Variants in DOCK4 observed in about 807,000 individuals in gnomAD.
The protein encoded by DOCK4 is dedicator of cytokinesis protein 4.
A neutral mutation model predicts 268.1 loss-of-function variants in DOCK4; 97 were observed. That is an observed-to-expected ratio of 0.36 (90% CI 0.31 to 0.43). The LOEUF is 0.43. Among genes scored for constraint, DOCK4 ranks in the 20% least tolerant of loss-of-function variants. DOCK4 has a pLI of 1.00. For synonymous variants in DOCK4, 954 were observed against 887.2 expected (o/e 1.08, Z -1.34); for missense variants, 2,145 against 2,455.7 (o/e 0.87, Z 2.67).
intron 1 of DOCK4, among the ~76,000 whole-genome samples, chr7:112,079,290 C>A (rs767305926): frequency 3.3e-5 from 5 of 152,150 alleles, no homozygotes; most frequent in African/African-American, 4.8e-5. Flanking sequence ...TGCTTACCTG[C>A]ATTTAGTACA....
intron 1 of DOCK4, among the ~76,000 whole-genome samples, chr7:112,069,862 A>G (rs1807428915): frequency 6.6e-6 from 1 of 152,230 alleles, no homozygotes; most frequent in South Asian, 2.1e-4. Flanking sequence ...AAATTGTCAA[A>G]CAGGCAAGGA....
intron 1 of DOCK4, among the ~76,000 whole-genome samples, chr7:112,103,416 T>C (rs1410222884): frequency 6.6e-6 from 1 of 152,146 alleles, no homozygotes; most frequent in Non-Finnish European, 1.5e-5. Context: ...CAACCCCATG[T>C]TCCTGAGAGC....
At chr7:111,842,020 G>T (rs1324450524) in intron 25 of DOCK4, among the ~76,000 whole-genome samples, 1 of 152,210 alleles carries the variant, frequency 6.6e-6, no homozygotes. Flanking sequence ...TTCAAACTAT[G>T]TAAGTTATAT....
intron 27 of DOCK4, among the ~76,000 whole-genome samples, chr7:111,816,381 G>A (rs544905245): frequency 9.7e-4 from 147 of 152,282 alleles, no homozygotes; most frequent in African/African-American, 3.2e-3. Flanking sequence ...AAAAATCAAC[G>A]CAAAGACATT....
intron 9 of DOCK4, 132 bp downstream of exon 9, chr7:111,945,585 G>C: frequency 1.4e-6 from 1 of 721,750 alleles, no homozygotes; most frequent in South Asian, 1.9e-5. Flanking sequence ...GGGCACTAAT[G>C]TAATTTGTGT....
rs754813846 is a variant in DOCK4 at position 111,784,050 on chromosome 7, C to G, written c.3428+47G>C. The G allele has an allele frequency of 6.5e-5, 102 of 1,577,440 alleles. 2 individuals carry two copies. The Middle Eastern group carries it at 4.3e-3, about 67-fold the overall frequency. On this transcript the variant is annotated intron_variant, in intron 33 of 52. Transcript: ENST00000428084. ...ATCAGTACCTTAAATGCCTTAGCAACCACTGCAACATCTCACAAGTAGCAC... is the reference window on the plus strand; with the variant it reads ...ATCAGTACCTTAAATGCCTTAGCAAGCACTGCAACATCTCACAAGTAGCAC...
At chr7:112,075,015 C>T (rs889363423) in intron 1 of DOCK4, among the ~76,000 whole-genome samples, 1 of 152,204 alleles carries the variant, frequency 6.6e-6, no homozygotes, top group African/African-American at 2.4e-5. Flanking sequence ...CACCTTTCTA[C>T]CTAGCTAACA....
At chr7:112,035,361 A>T (rs1284303256) in intron 1 of DOCK4, among the ~76,000 whole-genome samples, 1 of 151,738 alleles carries the variant, frequency 6.6e-6, no homozygotes, top group Non-Finnish European at 1.5e-5. Context: ...GTAAACTAAG[A>T]CTGTAAGAAA....
chr7:111,812,846 G>C (rs1185171893), intron 27 of DOCK4, among the ~76,000 whole-genome samples: 5 of 152,160 alleles, frequency 3.3e-5, no homozygotes, highest in African/African-American at 1.2e-4. Context: ...CAGTGTTACA[G>C]ACATTCAGAG....
chr7:111,809,697 C>G (rs116822174), intron 28 of DOCK4, among the ~76,000 whole-genome samples: 139 of 152,278 alleles, frequency 9.1e-4, no homozygotes, highest in African/African-American at 3.0e-3. Flanking sequence ...GTTTCACGAG[C>G]TTTTTGGTAT....
In DOCK4 at chr7:112,124,021, C is replaced by A. The variant is rs182192158; in HGVS notation, c.37+82081G>T. On this transcript the variant is annotated intron_variant, in intron 1 of 52. Transcript: ENST00000428084. Reference sequence around the variant, plus strand: ...ATTAGTTTTGCTGATCATTAAGAAACTAAAAACTTTTTTTTTTTTTAGAAA... The same window carrying A: ...ATTAGTTTTGCTGATCATTAAGAAAATAAAAACTTTTTTTTTTTTTAGAAA... Among the ~76,000 whole-genome samples, 4 of 151,858 alleles carry A rather than the reference C, an allele frequency of 2.6e-5. No homozygotes were observed. The East Asian group carries it at 7.7e-4, about 29-fold the overall frequency.
intron 16 of DOCK4, among the ~76,000 whole-genome samples, chr7:111,883,279 C>T (rs954886625): frequency 6.6e-6 from 1 of 152,182 alleles, no homozygotes; most frequent in Non-Finnish European, 1.5e-5. Flanking sequence ...AGGGCAGCAC[C>T]CCACATTCAC....
At chr7:112,192,755 C>T (rs1820084186) in intron 1 of DOCK4, among the ~76,000 whole-genome samples, 1 of 152,104 alleles carries the variant, frequency 6.6e-6, no homozygotes, top group Non-Finnish European at 1.5e-5. Context: ...TCTTTGGATG[C>T]TTATCAAGCT....
chr7:111,727,982 A>G lies in DOCK4; in HGVS notation c.*292T>C. Reference sequence around the variant, plus strand: ...AATATCGTATTGGTTTTAAGATTAAACTATATAAAAAAAAGTGAACATAAA... The same window carrying G: ...AATATCGTATTGGTTTTAAGATTAAGCTATATAAAAAAAAGTGAACATAAA... On this transcript the variant is annotated 3_prime_UTR_variant, in exon 53 of 53. Coordinates refer to ENST00000428084, the MANE Select transcript of DOCK4 (RefSeq NM_001363540.2). The G allele has an allele frequency of 3.2e-6, 1 of 315,686 alleles. No individual in the cohort carries two copies. The highest frequency in any genetic ancestry group is 5.7e-6 in the Non-Finnish European group (1 of 174,998). The allele number at this position is 315,686 out of a possible 1,614,324, so 19.6% of individuals were successfully genotyped here.
At chr7:111,910,007 GC>G (rs1455532540) in intron 13 of DOCK4, among the ~76,000 whole-genome samples, 14 of 151,260 alleles carry the variant, frequency 9.3e-5, no homozygotes, top group Non-Finnish European at 1.8e-4. Context: ...AGGGCTAAGA[GC>G]TTCAAAGACC....
At chr7:112,151,982 A>G (rs1229875053) in intron 1 of DOCK4, among the ~76,000 whole-genome samples, 1 of 151,708 alleles carries the variant, frequency 6.6e-6, no homozygotes, top group Non-Finnish European at 1.5e-5. Flanking sequence ...AAAAAAACTA[A>G]TTCTAGCTAA....
chr7:112,053,537 A>C (rs1039799443), intron 1 of DOCK4, among the ~76,000 whole-genome samples: 1 of 152,214 alleles, frequency 6.6e-6, no homozygotes, highest in Non-Finnish European at 1.5e-5. Flanking sequence ...AACCCCAACA[A>C]GGCATCATCC....
Position 112,090,216 on chromosome 7 carries a change from G to C in DOCK4, c.38-86085C>G, listed in dbSNP as rs183672190. Among the ~76,000 whole-genome samples the C allele has an allele frequency of 2.0e-5, 3 of 152,148 alleles. No individual in the cohort carries two copies. The East Asian group carries it at 5.8e-4, about 29-fold the overall frequency. On this transcript the variant is annotated intron_variant, in intron 1 of 52. Transcript: ENST00000428084. ...AGGAAAATTATATGGTATCATTAGA[G>C]GTTCTAAAAAGATAAATAAATTATA... is the stretch of plus-strand genomic sequence containing the variant.
chr7:112,160,699 C>T (rs1817032085), intron 1 of DOCK4, among the ~76,000 whole-genome samples: 1 of 152,222 alleles, frequency 6.6e-6, no homozygotes. Context: ...GGAAAGAAAA[C>T]AGAATGTTCC....
Sources: allele counts gnomAD v4.1 joint callset (sites outside exome capture counted in the v4.1 genomes callset), GRCh38; gene constraint gnomAD v4.1.1; transcripts MANE v1.5; gene names NCBI Gene and HGNC (gene_info 2026-07-23, HGNC 2026-07-21).